Variants in ERBB3 observed in about 807,000 individuals in gnomAD.
The protein encoded by ERBB3 is receptor tyrosine-protein kinase erbB-3.
A neutral mutation model predicts 156.7 loss-of-function variants in ERBB3; 96 were observed. The observed-to-expected ratio is 0.61, with a 90% CI of 0.52 to 0.73. The LOEUF (loss-of-function observed/expected upper bound fraction) is 0.73. ERBB3 is among the 30% of genes least tolerant of loss of function. The pLI, the probability that ERBB3 is intolerant of heterozygous loss-of-function variation, is 0.00. For missense variants in ERBB3, 1,406 were observed against 1,709.4 expected (o/e 0.82, Z 3.13); for synonymous variants, 567 against 632.0 (o/e 0.90, Z 1.54).
intron 27 of ERBB3, 68 bp downstream of exon 27, chr12:56,101,429 C>G (rs1020523412): frequency 1.2e-5 from 19 of 1,598,802 alleles, no homozygotes; most frequent in Non-Finnish European, 1.5e-5. Context: ...CCTCTTTTTT[C>G]TTCTCTGATC....
In ERBB3 at chr12:56,083,908, T is replaced by G. The variant is rs1868393291; in HGVS notation, c.234+6T>G. ...CCGACCTCTCCTTCCTGCAGGTTAG[T>G]GAGCCCACCCTCCTTCCTCAACCTG... is the stretch of plus-strand genomic sequence containing the variant. On this transcript the variant is annotated splice_donor_region_variant and intron_variant, in intron 2 of 27. Transcript: ENST00000267101. The G allele has an allele frequency of 6.2e-7, 1 of 1,613,944 alleles. No individual in the cohort carries two copies. The highest frequency in any genetic ancestry group is 2.2e-5 in the East Asian group (1 of 44,876).
rs1310756501 is a variant in ERBB3 at position 56,092,735 on chromosome 12, T to C, written c.1110-12T>C. ...CTTTACCTTATTGACTGGTTTCTAC[T>C]GTTCTATTCAGAGACCCCTGGCACA... is the stretch of plus-strand genomic sequence containing the variant. On this transcript the variant is annotated splice_polypyrimidine_tract_variant and intron_variant, in intron 9 of 27. Transcript: ENST00000267101. 4 of 1,606,560 alleles carry C rather than the reference T, an allele frequency of 2.5e-6. No homozygotes were observed. The highest frequency in any genetic ancestry group is 3.4e-6 in the Non-Finnish European group (4 of 1,173,184).
intron 9 of ERBB3, among the ~76,000 whole-genome samples, chr12:56,091,193 C>G (rs981108631): frequency 7.0e-6 from 1 of 142,134 alleles, no homozygotes; most frequent in East Asian, 2.0e-4. Flanking sequence ...CCTCTGCCTC[C>G]CGTGCTCAAG....
chr12:56,095,901 C>T, intron 17 of ERBB3, 95 bp downstream of exon 17: 1 of 1,345,008 alleles, frequency 7.4e-7, no homozygotes, highest in Non-Finnish European at 1.1e-6. Context: ...CCTGTGCACC[C>T]AGGGGTCAGT....
intron 17 of ERBB3, 154 bp from the exon 18 acceptor site, chr12:56,096,349 C>T (rs1174210908): frequency 1.1e-6 from 1 of 880,458 alleles, no homozygotes; most frequent in Non-Finnish European, 1.8e-6. Context: ...AGGGTCTGTA[C>T]CTCAATATGC....
At chr12:56,098,061 C>A in intron 21 of ERBB3, 121 bp downstream of exon 21, 1 of 935,300 alleles carries the variant, frequency 1.1e-6, no homozygotes, top group Non-Finnish European at 1.6e-6. Flanking sequence ...GAGAAGGCTG[C>A]AGATGCCAGA....
At chr12:56,080,779 C>A (rs774343000) in intron 1 of ERBB3, among the ~76,000 whole-genome samples, 9 of 152,318 alleles carry the variant, frequency 5.9e-5, no homozygotes, top group Non-Finnish European at 1.2e-4. Context: ...CCCTGCCCCC[C>A]ACCCGCGCCG....
At position 56,101,143 on chromosome 12, in the gene ERBB3, A is replaced by C. The variant is rs772400489; in HGVS notation, c.3284A>C (p.Glu1095Ala). Residue 1095 changes from glutamate to alanine, a missense_variant, in exon 27 of 28, where the codon GAG becomes GCG. Coordinates refer to ENST00000267101, the MANE Select transcript of ERBB3 (RefSeq NM_001982.4). ...ATGCCACGGGGATGCCTGGCATCAG[A>C]GTCATCAGAGGGGCATGTAACAGGC... is the stretch of plus-strand genomic sequence containing the variant. ...HPMPRGCLASESSEGHVTGSE... is the reference protein window; with the variant it reads ...HPMPRGCLASASSEGHVTGSE... 5.6e-6 allele frequency: 9 copies of C among 1,613,746 alleles called. No homozygotes were observed. The highest frequency in any genetic ancestry group is 7.6e-6 in the Non-Finnish European group (9 of 1,179,990).
chr12:56,083,566 A>G, intron 1 of ERBB3, 185 bp from the exon 2 acceptor site: 1 of 671,680 alleles, frequency 1.5e-6, no homozygotes, highest in South Asian at 1.6e-5. Flanking sequence ...GATTCTGAGA[A>G]GAGAGAAAGC....
In ERBB3 at chr12:56,101,841, C is replaced by T. The variant is rs2136831237; in HGVS notation, c.3815C>T (p.Pro1272Leu). ...YMNRQRDGGG[P>L]GGDYAAMGAC... ...AATCGGCAACGAGATGGAGGTGGTC[C>T]TGGGGGTGATTATGCAGCCATGGGG... is the stretch of plus-strand genomic sequence containing the variant. Residue 1272 changes from proline (P) to leucine (L), a missense_variant, in exon 28 of 28, where the codon CCT (proline) becomes CTT (leucine). Pro to Leu is a moderately conservative substitution (Grantham distance 98). Coordinates refer to ENST00000267101, the MANE Select transcript of ERBB3 (RefSeq NM_001982.4). The T allele has an allele frequency of 6.2e-7, 1 of 1,613,240 alleles. No homozygotes were observed. Among genetic ancestry groups the T allele is most frequent in the Middle Eastern group, 1.6e-4 (1 of 6,062 alleles).
chr12:56,098,731 G>A (rs1325200549), intron 22 of ERBB3, 28 bp from the exon 23 acceptor site: 3 of 1,613,930 alleles, frequency 1.9e-6, no homozygotes, highest in Admixed American at 1.7e-5. Context: ...TATTTTGCCA[G>A]TGACTAGTCC....
At chr12:56,099,130 A>G (rs996904672) in intron 23 of ERBB3, 1 of 574,074 alleles carries the variant, frequency 1.7e-6, no homozygotes. Context: ...TAACTGTTAC[A>G]CTTTTAGTAG....
At chr12:56,093,642 T>TGAGGGATG in intron 12 of ERBB3, 92 bp downstream of exon 12, 1 of 1,557,018 alleles carries the variant, frequency 6.4e-7, no homozygotes, top group South Asian at 1.1e-5. Flanking sequence ...GGAGTAGGGT[T>TGAGGGATG]GAGGGATGGA....
chr12:56,086,063 CAAAAAAAA>C (rs56926853), intron 3 of ERBB3, among the ~76,000 whole-genome samples: 5 of 89,392 alleles, frequency 5.6e-5, no homozygotes, highest in Non-Finnish European at 8.4e-5. Flanking sequence ...AGCGAGACTC[CAAAAAAAA>C]AAAAAAAAAA....
At chr12:56,096,451 T>G in intron 17 of ERBB3, 52 bp from the exon 18 acceptor site, 5 of 1,611,808 alleles carry the variant, frequency 3.1e-6, no homozygotes, top group South Asian at 1.1e-5. Flanking sequence ...CGGGTTGGAG[T>G]GGGACATGGG....
rs1043017939 is a variant in ERBB3, at chr12:56,103,034, A to AATCCTC, written c.*980_*985dup. On this transcript the variant is annotated 3_prime_UTR_variant, in exon 28 of 28. Coordinates refer to ENST00000267101, the MANE Select transcript of ERBB3 (RefSeq NM_001982.4). ...ATTAAGCAGTAGATCCAGGATGCAA[A>AATCCTC]ATCCTCCCAATTCCTGTGCATGTGC... 4.3e-6 allele frequency: 1 copy of AATCCTC among 230,224 alleles called. No individual in the cohort carries two copies. The highest frequency in any genetic ancestry group is 8.6e-6 in the Non-Finnish European group (1 of 115,978). The allele number at this position is 230,224 out of a possible 1,614,324, so 14.3% of individuals were successfully genotyped here. A position where few individuals can be genotyped will look rare whatever the true frequency, so the allele number is the denominator to read the frequency against.
chr12:56,102,242 G>C lies in ERBB3; in HGVS notation c.*187G>C. Reference sequence around the variant, plus strand: ...AAATTCTTATGGTATGTAGCCAGCTGTGCACTTTCTTCTCTTTCCCAACCC... The same window carrying C: ...AAATTCTTATGGTATGTAGCCAGCTCTGCACTTTCTTCTCTTTCCCAACCC... On this transcript the variant is annotated 3_prime_UTR_variant, in exon 28 of 28. Transcript: ENST00000267101. 1.6e-6 allele frequency: 1 copy of C among 614,642 alleles called. No individual in the cohort carries two copies. The highest frequency in any genetic ancestry group is 2.8e-5 in the East Asian group (1 of 36,038). 38.1% of individuals were successfully genotyped at this position (614,642 alleles called of 1,614,324 possible).
At chr12:56,092,164 C>T (rs1292838306) in intron 9 of ERBB3, among the ~76,000 whole-genome samples, 2 of 149,942 alleles carry the variant, frequency 1.3e-5, no homozygotes, top group East Asian at 2.0e-4. Context: ...CCGAGGCGGG[C>T]GGATCACAAG....
rs1321876962 is a variant in ERBB3, at chr12:56,088,836, C to A, written c.1077C>A (p.Gly359=). 6.2e-7 allele frequency: 1 copy of A among 1,614,032 alleles called. No homozygotes were observed. Among genetic ancestry groups the A allele is most frequent in the East Asian group, 2.2e-5 (1 of 44,898 alleles). Residue 359 remains glycine (G), a synonymous_variant, in exon 9 of 28, where the codon GGC becomes GGA. Transcript: ENST00000267101. The stretch of plus-strand genomic sequence containing the variant: ...TTGTGAACTGCACCAAGATCCTGGG[C>A]AACCTGGACTTTCTGATCACCGGCC... ...DGFVNCTKIL[G]NLDFLITGLN...
Sources: gnomAD v4.1 joint callset for allele counts (sites outside exome capture counted in the v4.1 genomes callset) on GRCh38, gnomAD v4.1.1 for gene constraint, MANE v1.5 for transcripts, NCBI Gene and HGNC (gene_info 2026-07-23, HGNC 2026-07-21) for gene names.